CENPL: variants seen among roughly 807,000 people sequenced by gnomAD.
CENPL encodes interphase centromere complex protein 33.
A neutral mutation model predicts 35.2 loss-of-function variants in CENPL; 20 were observed. That is an observed-to-expected ratio of 0.57 (90% CI 0.40 to 0.83). The LOEUF is 0.83. CENPL is among the 40% of genes least tolerant of loss of function. The pLI is 0.00. For synonymous variants in CENPL, 140 were observed against 140.6 expected (o/e 1.00, Z 0.03); for missense variants, 363 against 395.8 (o/e 0.92, Z 0.70).
In CENPL at chr1:173,805,851, T is replaced by A. The variant is rs188670788; in HGVS notation, c.420+1416A>T. ...AGCTTACATCCATGCACTTTTTTTT[T>A]AAAAAAAGACAGTATACCACTATCT... On this transcript the variant is annotated intron_variant, in intron 4 of 5. Coordinates refer to ENST00000682279, the MANE Select transcript of CENPL (RefSeq NM_001387287.1). 4.5e-3 allele frequency among the ~76,000 whole-genome samples: 684 copies of A among 151,976 alleles called. 6 individuals are homozygous for A. Among genetic ancestry groups the A allele is most frequent in the Middle Eastern group, 0.031 (9 of 294 alleles).
chr1:173,813,768 T>C (rs1035412135), intron 2 of CENPL, among the ~76,000 whole-genome samples: 2 of 152,100 alleles, frequency 1.3e-5, no homozygotes, highest in African/African-American at 4.8e-5. Flanking sequence ...CTGCATCAAC[T>C]AACGGGCAAA....
chr1:173,819,891 T>C (rs1231897032), intron 2 of CENPL, among the ~76,000 whole-genome samples: 1 of 151,400 alleles, frequency 6.6e-6, no homozygotes, highest in Admixed American at 6.6e-5. Flanking sequence ...GTATTTTTAG[T>C]AGAGACAGTG....
intron 2 of CENPL, among the ~76,000 whole-genome samples, chr1:173,817,118 AC>A (rs1651463160): frequency 6.6e-6 from 1 of 152,072 alleles, no homozygotes; most frequent in Non-Finnish European, 1.5e-5. Flanking sequence ...AGCCTGGGTG[AC>A]AGAGCGAGAC....
At chr1:173,819,114 G>A (rs1651692542) in intron 2 of CENPL, among the ~76,000 whole-genome samples, 2 of 152,026 alleles carry the variant, frequency 1.3e-5, no homozygotes, top group South Asian at 4.1e-4. Flanking sequence ...GTGCACACCT[G>A]TGGTCCCAGC....
intron 2 of CENPL, 43 bp from the exon 3 acceptor site, chr1:173,811,349 G>A (rs111496356): frequency 7.7e-7 from 1 of 1,300,644 alleles, no homozygotes; most frequent in Non-Finnish European, 1.1e-6. Context: ...GCACTAAAAA[G>A]TTAATTCATG....
chr1:173,815,813 T>G (rs1392957909), intron 2 of CENPL, among the ~76,000 whole-genome samples: 1 of 151,954 alleles, frequency 6.6e-6, no homozygotes, highest in Non-Finnish European at 1.5e-5. Context: ...TCCTATTCAA[T>G]ATACTGTTGG....
intron 2 of CENPL, among the ~76,000 whole-genome samples, chr1:173,814,755 A>C (rs1298917488): frequency 6.6e-6 from 1 of 152,232 alleles, no homozygotes; most frequent in Non-Finnish European, 1.5e-5. Flanking sequence ...CTGACACCCT[A>C]ACATCACAAT....
intron 2 of CENPL, among the ~76,000 whole-genome samples, chr1:173,819,868 TG>T (rs1195196671): frequency 2.2e-5 from 2 of 92,536 alleles, no homozygotes; most frequent in African/African-American, 2.9e-5. Context: ...ATTTTTTGTT[TG>T]TTTTTTTTTT....
chr1:173,799,964 A>G lies in CENPL; in HGVS notation c.*484T>C, dbSNP rs1311274474. 1.3e-5 allele frequency: 2 copies of G among 152,298 alleles called. No homozygotes were observed. Among genetic ancestry groups the G allele is most frequent in the African/African-American group, 4.8e-5 (2 of 41,444 alleles). 9.4% of individuals were successfully genotyped at this position (152,298 alleles called of 1,614,324 possible). ...GCAGCCTGTCTTCTGGGTTAAAACGATTCTCCTGCCTCAGCCTCCCCAGTA... is the reference window on the plus strand; with the variant it reads ...GCAGCCTGTCTTCTGGGTTAAAACGGTTCTCCTGCCTCAGCCTCCCCAGTA... On this transcript the variant is annotated 3_prime_UTR_variant, in exon 6 of 6. Transcript: ENST00000682279.
At chr1:173,817,257 A>T (rs1198489960) in intron 2 of CENPL, among the ~76,000 whole-genome samples, 2 of 152,342 alleles carry the variant, frequency 1.3e-5, no homozygotes, top group East Asian at 1.9e-4. Context: ...TCTACCCATC[A>T]GACAAAGGGA....
At chr1:173,809,985 T>C (rs1650653298) in intron 3 of CENPL, among the ~76,000 whole-genome samples, 1 of 152,214 alleles carries the variant, frequency 6.6e-6, no homozygotes. Context: ...AGAAATATTA[T>C]TTGACACACC....
Position 173,824,242 on chromosome 1 carries a change from C to G in CENPL, c.-132G>C, listed in dbSNP as rs901372574. On this transcript the variant is annotated 5_prime_UTR_variant, in exon 1 of 6. Transcript: ENST00000682279. Reference sequence around the variant, plus strand: ...TCTGCGACCCTCGCTCCTGCGGAGTCAGCTTCTGCTCGCGGAGGGGGAAGG... The same window carrying G: ...TCTGCGACCCTCGCTCCTGCGGAGTGAGCTTCTGCTCGCGGAGGGGGAAGG... The G allele has an allele frequency of 5.9e-5, 9 of 152,428 alleles. No individual in the cohort carries two copies. Among genetic ancestry groups the G allele is most frequent in the African/African-American group, 2.2e-4 (9 of 41,592 alleles). The allele number at this position is 152,428 out of a possible 1,614,324, so 9.4% of individuals were successfully genotyped here. A position where few individuals can be genotyped will look rare whatever the true frequency, so the allele number is the denominator to read the frequency against.
intron 1 of CENPL, 57 bp downstream of exon 1, chr1:173,824,155 C>T (rs1207388235): frequency 6.6e-6 from 1 of 152,304 alleles, no homozygotes. Flanking sequence ...GACCTCCGCT[C>T]CCTCAGACGC....
chr1:173,820,140 A>G (rs1269571436), intron 2 of CENPL, among the ~76,000 whole-genome samples: 1 of 152,164 alleles, frequency 6.6e-6, no homozygotes, highest in Non-Finnish European at 1.5e-5. Context: ...AAGCATCCTT[A>G]ATCCAAAAAT....
intron 4 of CENPL, 100 bp downstream of exon 4, chr1:173,807,167 G>T: frequency 9.0e-7 from 1 of 1,106,696 alleles, no homozygotes; most frequent in Non-Finnish European, 1.2e-6. Flanking sequence ...ATATATATAG[G>T]AAAAAATTTT....
chr1:173,816,654 C>T (rs1355776130), intron 2 of CENPL, among the ~76,000 whole-genome samples: 1 of 152,094 alleles, frequency 6.6e-6, no homozygotes. Context: ...AAACTGGATC[C>T]CTTCCTTACA....
intron 2 of CENPL, among the ~76,000 whole-genome samples, chr1:173,818,059 T>C (rs1365651685): frequency 6.6e-6 from 1 of 152,080 alleles, no homozygotes; most frequent in East Asian, 1.9e-4. Flanking sequence ...ATGTAAATGA[T>C]GAGTTGATGG....
intron 2 of CENPL, among the ~76,000 whole-genome samples, chr1:173,818,143 T>G (rs1213245395): frequency 6.6e-6 from 1 of 151,990 alleles, no homozygotes; most frequent in East Asian, 1.9e-4. Flanking sequence ...CCCTAGAACT[T>G]AAAGTATAAT....
chr1:173,814,466 A>G (rs934175732), intron 2 of CENPL, among the ~76,000 whole-genome samples: 2 of 152,222 alleles, frequency 1.3e-5, no homozygotes, highest in Non-Finnish European at 2.9e-5. Flanking sequence ...AAAAGAACAG[A>G]TATCACAACA....
Sources: allele counts gnomAD v4.1 joint callset (sites outside exome capture counted in the v4.1 genomes callset), GRCh38; gene constraint gnomAD v4.1.1; transcripts MANE v1.5; gene names NCBI Gene and HGNC (gene_info 2026-07-23, HGNC 2026-07-21).